The following TRA2B variants were observed in gnomAD, a reference collection of about 807,000 sequenced individuals.
TRA2B encodes the protein transformer-2 protein homolog beta.
Under a neutral mutation model 41.7 loss-of-function variants are expected in TRA2B, and 14 were observed. The ratio of observed to expected loss-of-function variants is 0.34; its 90% CI spans 0.22 to 0.53. TRA2B has a LOEUF of 0.53. Among genes scored for constraint, TRA2B ranks in the 20% least tolerant of loss-of-function variants. The pLI, the probability that TRA2B is intolerant of heterozygous loss-of-function variation, is 0.95. For synonymous variants in TRA2B, 130 were observed against 128.8 expected, an observed-to-expected ratio of 1.01 and a Z score of -0.06; for missense variants, 167 against 396.8, an observed-to-expected ratio of 0.42 and a Z score of 4.92.
At position 185,937,622 on chromosome 3, in the gene TRA2B, G is replaced by A. The variant is rs534549193; in HGVS notation, c.36+203C>T. 7.2e-5 allele frequency among the ~76,000 whole-genome samples: 11 copies of A among 152,340 alleles called. No individual in the cohort carries two copies. In the East Asian group the frequency reaches 2.1e-3, roughly 29 times the overall value. On this transcript the variant is annotated intron_variant, in intron 1 of 8. Coordinates refer to ENST00000453386, the MANE Select transcript of TRA2B (RefSeq NM_004593.3). The stretch of plus-strand genomic sequence containing the variant: ...CAGAAGCCACATAAACCCGCCGGGG[G>A]CCTCCCTCCTTCACGACCAAAGGCA...
At chr3:185,933,917 GA>G (rs1303936745) in intron 1 of TRA2B, among the ~76,000 whole-genome samples, 1 of 152,014 alleles carries the variant, frequency 6.6e-6, no homozygotes, top group Non-Finnish European at 1.5e-5. Context: ...AAAAATTAGA[GA>G]AAAAGGGGCC....
Position 185,936,090 on chromosome 3 carries a change from G to A in TRA2B, c.36+1735C>T, listed in dbSNP as rs76424003. ...CACGTAAAATATACTAATGAACTCT[G>A]GGCAATTTTCCATTCTCAAGCATTC... On this transcript the variant is annotated intron_variant, in intron 1 of 8. Transcript: ENST00000453386. The A allele has an allele frequency of 5.9e-3, 5,804 of 985,278 alleles. 227 individuals carry two copies. In the African/African-American group the frequency reaches 0.093, roughly 16 times the overall value. The allele number at this position is 985,278 out of a possible 1,614,324, so 61.0% of individuals were successfully genotyped here. A position where few individuals can be genotyped will look rare whatever the true frequency, so the allele number is the denominator to read the frequency against.
intron 1 of TRA2B, chr3:185,931,524 T>C: frequency 9.0e-7 from 1 of 1,116,976 alleles, no homozygotes; most frequent in Non-Finnish European, 1.1e-6. Flanking sequence ...AAACAAATAA[T>C]GCATGCATGT....
At position 185,920,137 on chromosome 3, in the gene TRA2B, AT is replaced by A. The variant is rs1321938316; in HGVS notation, c.723-642del. Among the ~76,000 whole-genome samples, 583 of 152,344 alleles carry A rather than the reference AT, an allele frequency of 3.8e-3. 4 individuals are homozygous for A. Among genetic ancestry groups the A allele is most frequent in the African/African-American group, 0.013 (557 of 41,582 alleles). ...CCGAAATACCAAATTTTTGGCAAAA[AT>A]AAAAAGCCACATACCCTTGTCATAC... On this transcript the variant is annotated intron_variant, in intron 6 of 8. Coordinates refer to ENST00000453386, the MANE Select transcript of TRA2B (RefSeq NM_004593.3).
rs1052765693 is a variant in TRA2B at position 185,916,310 on chromosome 3, A to G, written c.*1405T>C. 6.6e-6 allele frequency: 1 copy of G among 152,234 alleles called. No homozygotes were observed. The highest frequency in any genetic ancestry group is 2.4e-5 in the African/African-American group (1 of 41,456). The allele number at this position is 152,234 out of a possible 1,614,324, so 9.4% of individuals were successfully genotyped here. ...TCGTGGCATTGCCACTTAAACAGCTATTTGAACTAAGGTAAGTTACTCTAC... is the reference window on the plus strand; with the variant it reads ...TCGTGGCATTGCCACTTAAACAGCTGTTTGAACTAAGGTAAGTTACTCTAC... On this transcript the variant is annotated 3_prime_UTR_variant, in exon 9 of 9. Coordinates refer to ENST00000453386, the MANE Select transcript of TRA2B (RefSeq NM_004593.3).
intron 6 of TRA2B, among the ~76,000 whole-genome samples, chr3:185,920,502 C>G (rs185044412): frequency 1.1e-3 from 169 of 152,202 alleles, no homozygotes; most frequent in Admixed American, 2.1e-3. Flanking sequence ...CTCAAATTCC[C>G]GGGCTCAAGC....
chr3:185,934,338 G>C (rs929252737), intron 1 of TRA2B: 2 of 985,130 alleles, frequency 2.0e-6, no homozygotes, highest in African/African-American at 3.5e-5. Context: ...AGAGAAAGGA[G>C]GAAAAAACGC....
chr3:185,923,052 G>C (rs1743801192), intron 4 of TRA2B: 1 of 152,260 alleles, frequency 6.6e-6, no homozygotes, highest in African/African-American at 2.4e-5. Context: ...GAGGCCGAGG[G>C]GGGCAGATCA....
Position 185,918,868 on chromosome 3 carries a change from C to T in TRA2B, c.783-430G>A, listed in dbSNP as rs970562401. On this transcript the variant is annotated intron_variant, in intron 7 of 8. Transcript: ENST00000453386. ...CTAAAAAAAAAAAATTAGCTCTGTG[C>T]GGTGGTGCATGCTTGTAATCCCAGC... is the stretch of plus-strand genomic sequence containing the variant. Among the ~76,000 whole-genome samples the T allele has an allele frequency of 5.9e-5, 9 of 151,738 alleles. No homozygotes were observed. In the South Asian group the frequency reaches 8.3e-4, roughly 14 times the overall value.
At chr3:185,922,190 T>G in intron 4 of TRA2B, 64 bp from the exon 5 acceptor site, 1 of 1,215,378 alleles carries the variant, frequency 8.2e-7, no homozygotes, top group Non-Finnish European at 1.2e-6. Context: ...CCTGTGGCTA[T>G]GAGTAAGATC....
At chr3:185,926,205 A>C (rs1462429995) in intron 2 of TRA2B, among the ~76,000 whole-genome samples, 3 of 151,006 alleles carry the variant, frequency 2.0e-5, no homozygotes, top group African/African-American at 7.3e-5. Context: ...AAAAAAAAAA[A>C]GCGCACCATA....
Position 185,937,949 on chromosome 3 carries a change from G to A in TRA2B, c.-89C>T, listed in dbSNP as rs1423766346. 2.6e-6 allele frequency: 4 copies of A among 1,520,024 alleles called. No individual in the cohort carries two copies. Among genetic ancestry groups the A allele is most frequent in the East Asian group, 2.3e-5 (1 of 42,830 alleles). The allele number at this position is 1,520,024 out of a possible 1,614,324, so 94.2% of individuals were successfully genotyped here. ...CTTAAGGAGGCTCCGCCGCAGCCCC[G>A]CACGACGCGCCGGTCGCCCAGCCGC... On this transcript the variant is annotated 5_prime_UTR_variant, in exon 1 of 9. Transcript: ENST00000453386.
intron 1 of TRA2B, among the ~76,000 whole-genome samples, chr3:185,929,324 A>G (rs1041760327): frequency 6.6e-5 from 10 of 152,186 alleles, no homozygotes; most frequent in African/African-American, 2.4e-4. Context: ...TTAACTTTAA[A>G]TCTCAATGCA....
chr3:185,925,712 AG>A (rs1226686446), intron 2 of TRA2B, 86 bp from the exon 3 acceptor site: 2 of 1,374,666 alleles, frequency 1.5e-6, no homozygotes, highest in Non-Finnish European at 1.9e-6. Context: ...ACTCCAAAAG[AG>A]GGAACAATCC....
chr3:185,925,582 C>G lies in TRA2B; in HGVS notation c.215G>C (p.Arg72Pro). 2 of 1,614,098 alleles carry G rather than the reference C, an allele frequency of 1.2e-6. No homozygotes were observed. The highest frequency in any genetic ancestry group is 1.7e-6 in the Non-Finnish European group (2 of 1,180,006). The change falls in exon 3 of 9, where the codon CGG becomes CCG. Residue 72 changes from arginine to proline, a missense_variant. By Grantham distance (103) the Arg-to-Pro change is moderately radical. Transcript: ENST00000453386. ...TCGTCTATGGGAGCGGGAGCGAGAC[C>G]GTGACCGGGTATAATGCCTTCGGGA... ...RSSRRHYTRS[R>P]SRSRSHRRSR...
intron 5 of TRA2B, 35 bp from the exon 6 acceptor site, chr3:185,921,222 A>G: frequency 1.9e-6 from 3 of 1,590,174 alleles, no homozygotes; most frequent in South Asian, 2.2e-5. Context: ...GACCTCCCTT[A>G]TCTTTCTGGA....
In TRA2B at chr3:185,937,212, C is replaced by T. The variant is rs958915367; in HGVS notation, c.36+613G>A. 3.3e-5 allele frequency: 33 copies of T among 985,796 alleles called. No homozygotes were observed. The African/African-American group carries it at 3.7e-4, about 11-fold the overall frequency. The allele number at this position is 985,796 out of a possible 1,614,324, so 61.1% of individuals were successfully genotyped here. ...TCCCCTCCACCTAACGGGCCCAGAACTTAGTCGGCCTTGGATTAGTTTCCA... is the reference window on the plus strand; with the variant it reads ...TCCCCTCCACCTAACGGGCCCAGAATTTAGTCGGCCTTGGATTAGTTTCCA... On this transcript the variant is annotated intron_variant, in intron 1 of 8. Transcript: ENST00000453386.
At chr3:185,932,203 T>C (rs1484383510) in intron 1 of TRA2B, among the ~76,000 whole-genome samples, 1 of 152,198 alleles carries the variant, frequency 6.6e-6, no homozygotes, top group Non-Finnish European at 1.5e-5. Flanking sequence ...AGCACACCTC[T>C]AGTCAAAAAG....
intron 1 of TRA2B, among the ~76,000 whole-genome samples, chr3:185,934,162 C>T (rs886444859): frequency 3.9e-5 from 6 of 152,148 alleles, no homozygotes; most frequent in Non-Finnish European, 1.5e-5. Context: ...AATTCCTAAA[C>T]ATCAGTCACC....
Sources: allele counts gnomAD v4.1 joint callset (sites outside exome capture counted in the v4.1 genomes callset), GRCh38; gene constraint gnomAD v4.1.1; transcripts MANE v1.5; gene names NCBI Gene and HGNC (gene_info 2026-07-23, HGNC 2026-07-21).